Variants in RGS22 observed in about 807,000 individuals in gnomAD.
RGS22 encodes the protein regulator of G-protein signaling 22.
Under a neutral mutation model 172.9 loss-of-function variants are expected in RGS22, and 148 were observed. The observed-to-expected ratio is 0.86, with a 90% CI of 0.75 to 0.98. RGS22 has a LOEUF of 0.98. Ranked by LOEUF, RGS22 falls within the 50% of genes least tolerant of loss-of-function variation. The pLI is 0.00. For missense variants in RGS22, 1,347 were observed against 1,440.8 expected, an observed-to-expected ratio of 0.93 and a Z score of 1.05; for synonymous variants, 458 against 480.2, an observed-to-expected ratio of 0.95 and a Z score of 0.60.
chr8:100,081,364 A>ATG (rs1294356661), intron 3 of RGS22, among the ~76,000 whole-genome samples: 1 of 139,726 alleles, frequency 7.2e-6, no homozygotes, highest in African/African-American at 2.8e-5. Flanking sequence ...GCGTGTATGT[A>ATG]TATATATATA....
chr8:100,060,419 T>TATATATATATATATATATATATATAC (rs1554629620), intron 9 of RGS22, among the ~76,000 whole-genome samples: 1 of 128,018 alleles, frequency 7.8e-6, no homozygotes, highest in African/African-American at 2.8e-5. Context: ...TATATATATA[T>TATATATATATATATATATATATATAC]ATACACACAC....
At chr8:100,076,207 C>T (rs1012243244) in intron 4 of RGS22, among the ~76,000 whole-genome samples, 4 of 152,046 alleles carry the variant, frequency 2.6e-5, no homozygotes, top group Middle Eastern at 3.2e-3. Flanking sequence ...TCCTTTAGAG[C>T]GTGAAAGTTT....
Position 99,992,178 on chromosome 8 carries a change from C to T in RGS22, c.3018+4284G>A, listed in dbSNP as rs149566422. On this transcript the variant is annotated intron_variant, in intron 20 of 27. Transcript: ENST00000360863. ...CACAAAAACATGCCAAAAGTAAAGA[C>T]CATTAATGCTATGAAGAAACTGGCA... 5.6e-3 allele frequency among the ~76,000 whole-genome samples: 854 copies of T among 152,292 alleles called. 26 individuals are homozygous for T. The highest frequency in any genetic ancestry group is 0.05 in the Admixed American group (763 of 15,292).
intron 23 of RGS22, among the ~76,000 whole-genome samples, chr8:99,971,281 G>T (rs984248732): frequency 6.6e-6 from 1 of 152,132 alleles, no homozygotes; most frequent in Non-Finnish European, 1.5e-5. Flanking sequence ...TACTGAATGG[G>T]CAAAAGCTGA....
intron 2 of RGS22, among the ~76,000 whole-genome samples, chr8:100,104,360 G>GT (rs1349766542): frequency 1.6e-5 from 2 of 127,046 alleles, no homozygotes; most frequent in African/African-American, 6.0e-5. Flanking sequence ...GTGTGTGTGT[G>GT]TATTTTTTTT....
At chr8:99,983,516 T>C (rs1812771170) in intron 21 of RGS22, among the ~76,000 whole-genome samples, 1 of 152,174 alleles carries the variant, frequency 6.6e-6, no homozygotes, top group Non-Finnish European at 1.5e-5. Context: ...TGTGAGATGG[T>C]ATCTCACTGT....
At chr8:100,095,439 C>T (rs1465660487) in intron 2 of RGS22, among the ~76,000 whole-genome samples, 3 of 152,188 alleles carry the variant, frequency 2.0e-5, no homozygotes, top group Non-Finnish European at 1.5e-5. Context: ...CCGCCTCGGC[C>T]TCCTAAAGTG....
intron 3 of RGS22, among the ~76,000 whole-genome samples, chr8:100,088,613 T>C (rs1034522355): frequency 6.6e-6 from 1 of 152,144 alleles, no homozygotes; most frequent in Non-Finnish European, 1.5e-5. Flanking sequence ...ATTTGGAAAG[T>C]GCTGCAATCA....
chr8:100,036,106 T>C (rs1819435169), intron 14 of RGS22, among the ~76,000 whole-genome samples: 1 of 149,214 alleles, frequency 6.7e-6, no homozygotes, highest in African/African-American at 2.5e-5. Flanking sequence ...TAAAACATAA[T>C]AACAATTTTA....
intron 21 of RGS22, among the ~76,000 whole-genome samples, chr8:99,982,845 A>G (rs1209978417): frequency 6.6e-6 from 1 of 152,230 alleles, no homozygotes; most frequent in Non-Finnish European, 1.5e-5. Context: ...ACGGGGGTAC[A>G]TGTGCAAGTT....
At chr8:100,016,980 T>C (rs1157636036) in intron 14 of RGS22, among the ~76,000 whole-genome samples, 2 of 28,076 alleles carry the variant, frequency 7.1e-5, no homozygotes, top group South Asian at 1.5e-3. Context: ...TTACCAGTCT[T>C]TTTTTTTTTT....
intron 3 of RGS22, among the ~76,000 whole-genome samples, chr8:100,092,710 C>T (rs1586271314): frequency 6.6e-6 from 1 of 152,128 alleles, no homozygotes; most frequent in African/African-American, 2.4e-5. Flanking sequence ...ATTTCCATTC[C>T]TTATACATTA....
chr8:99,997,081 A>T (rs947710059), intron 19 of RGS22, among the ~76,000 whole-genome samples: 3 of 152,176 alleles, frequency 2.0e-5, no homozygotes, highest in Admixed American at 2.0e-4. Context: ...TCTTTTTGAT[A>T]GAGCCAGGAG....
At chr8:99,994,612 G>T (rs1814150801) in intron 20 of RGS22, among the ~76,000 whole-genome samples, 1 of 152,168 alleles carries the variant, frequency 6.6e-6, no homozygotes, top group Non-Finnish European at 1.5e-5. Context: ...ACGAATAAAA[G>T]AGGACACAAA....
chr8:100,018,618 T>C (rs924918106), intron 14 of RGS22, among the ~76,000 whole-genome samples: 5 of 152,238 alleles, frequency 3.3e-5, no homozygotes, highest in South Asian at 2.1e-4. Context: ...AAATCTCAGC[T>C]GCTTCATTAA....
intron 11 of RGS22, chr8:100,046,185 T>C (rs993983257): frequency 6.6e-6 from 1 of 152,180 alleles, no homozygotes; most frequent in African/African-American, 2.4e-5. Flanking sequence ...TTTTTAAGAA[T>C]AAAACAATTT....
intron 14 of RGS22, among the ~76,000 whole-genome samples, chr8:100,016,916 TTAAA>T (rs1399736932): frequency 6.7e-6 from 1 of 148,466 alleles, no homozygotes; most frequent in Non-Finnish European, 1.5e-5. Flanking sequence ...AAAGTATAAT[TTAAA>T]TAAATAAATA....
At chr8:100,078,009 G>C (rs1322152644) in intron 4 of RGS22, among the ~76,000 whole-genome samples, 1 of 151,832 alleles carries the variant, frequency 6.6e-6, no homozygotes, top group African/African-American at 2.4e-5. Flanking sequence ...TGTTCTGAGG[G>C]GTGCTTTGCC....
At chr8:100,083,146 G>T (rs908261743) in intron 3 of RGS22, among the ~76,000 whole-genome samples, 25 of 152,168 alleles carry the variant, frequency 1.6e-4, no homozygotes, top group Non-Finnish European at 3.4e-4. Flanking sequence ...GAGCAGTCTG[G>T]AAGATGTAAT....
Sources: gnomAD v4.1 joint callset for allele counts (sites outside exome capture counted in the v4.1 genomes callset) on GRCh38, gnomAD v4.1.1 for gene constraint, MANE v1.5 for transcripts, NCBI Gene and HGNC (gene_info 2026-07-23, HGNC 2026-07-21) for gene names.